ATG9A: variants seen among roughly 807,000 people sequenced by gnomAD.
ATG9A encodes autophagy related 9A.
In ATG9A, 21 loss-of-function variants were observed where a neutral mutation model predicts 87.1. That is an observed-to-expected ratio of 0.24 (90% CI 0.17 to 0.35). ATG9A has a LOEUF of 0.35. Among genes scored for constraint, ATG9A ranks in the 10% least tolerant of loss-of-function variants. The probability of loss-of-function intolerance (pLI) is 1.00; values close to 1 mark genes in which losing one functional copy is unlikely to be tolerated. For missense variants in ATG9A, 836 were observed against 1,107.3 expected (o/e 0.76, Z 3.48); for synonymous variants, 422 against 441.3 (o/e 0.96, Z 0.55).
chr2:219,225,526 C>T lies in ATG9A; in HGVS notation c.259G>A (p.Val87Met), dbSNP rs764945140. The change falls in exon 6 of 16, where the codon GTG becomes ATG. Residue 87 changes from valine (V) to methionine (M), a missense_variant. Val to Met is a conservative substitution (Grantham distance 21). This residue lies in a region of ATG9A where 512 missense variants were observed against 759.6 expected (regional missense o/e 0.67). Coordinates refer to ENST00000361242, the MANE Select transcript of ATG9A (RefSeq NM_001077198.3). ...TTGGCAAATAGGATGTCATAGTCCA[C>T]GCAGCTGACCAGGAAGGTAGTGAAG... ...VAFTTFLVSC[V>M]DYDILFANKM... The T allele has an allele frequency of 9.3e-6, 15 of 1,613,980 alleles. No individual in the cohort carries two copies. The highest frequency in any genetic ancestry group is 1.6e-4 in the Middle Eastern group (1 of 6,084).
rs761631039 is a variant in ATG9A, at chr2:219,220,801, A to G, written c.2460T>C (p.Pro820=). 1 of 1,613,486 alleles carries G rather than the reference A, an allele frequency of 6.2e-7. No homozygotes were observed. Among genetic ancestry groups the G allele is most frequent in the Non-Finnish European group, 8.5e-7 (1 of 1,179,990 alleles). Residue 820 remains proline, a synonymous_variant, in exon 15 of 16, where the codon CCT becomes CCC. Coordinates refer to ENST00000361242, the MANE Select transcript of ATG9A (RefSeq NM_001077198.3). ...AEDGQSASRH[P]EPVPEEGSED... ...CCGAGCCCTCTTCGGGCACGGGCTC[A>G]GGGTGCCTTGATGCCGACTGCCCAT...
Position 219,223,575 on chromosome 2 carries a change from C to T in ATG9A, c.1599+10G>A. The T allele has an allele frequency of 6.3e-7, 1 of 1,586,926 alleles. No homozygotes were observed. The highest frequency in any genetic ancestry group is 8.6e-7 in the Non-Finnish European group (1 of 1,165,666). On this transcript the variant is annotated intron_variant, in intron 10 of 15. Coordinates refer to ENST00000361242, the MANE Select transcript of ATG9A (RefSeq NM_001077198.3). This position sits in a 1 kb window ranked among gnomAD's most constrained non-coding sequence, Gnocchi z 4.7. ...ATCCCAGGCCACCTGGCTCCCTCCT[C>T]TCCCAGTACCTGGGGATGACCATGC...
At chr2:219,220,690 A>G in intron 15 of ATG9A, 57 bp downstream of exon 15, 9 of 1,592,292 alleles carry the variant, frequency 5.7e-6, no homozygotes, top group Non-Finnish European at 7.7e-6. Context: ...AAAAGCTGTT[A>G]CCTCACCCTG....
At chr2:219,225,048 A>G in intron 7 of ATG9A, 23 bp downstream of exon 7, 1 of 1,613,918 alleles carries the variant, frequency 6.2e-7, no homozygotes. Flanking sequence ...CTATGGGCTA[A>G]CTGCCCAACT....
intron 15 of ATG9A, 114 bp from the exon 16 acceptor site, chr2:219,220,566 A>C: frequency 6.5e-7 from 1 of 1,533,732 alleles, no homozygotes; most frequent in Non-Finnish European, 9.0e-7. Context: ...CTGGGGAGGT[A>C]AGGTAAGGAA....
Position 219,222,728 on chromosome 2 carries a change from C to A in ATG9A, c.1765G>T (p.Ala589Ser), listed in dbSNP as rs1466815353. The A allele has an allele frequency of 2.5e-6, 4 of 1,614,224 alleles. No homozygotes were observed. In the African/African-American group the frequency reaches 4.0e-5, roughly 16 times the overall value. Residue 589 changes from alanine (A) to serine (S), a missense_variant, in exon 11 of 16, where the codon GCA (alanine) becomes TCA (serine). Ala to Ser is a moderately conservative substitution (Grantham distance 99). Around this residue, in one of 2 missense-constraint regions of ATG9A, gnomAD observed 324 missense variants for 347.6 expected, o/e 0.93. Transcript: ENST00000361242. This position sits in a 1 kb window ranked among gnomAD's most constrained non-coding sequence, Gnocchi z 4.3. ...CCCCCTTGGGCGAGGCTAGCAGCTGCTCCATCCCGCTGAACCTGCTCCTTG... is the reference window on the plus strand; with the variant it reads ...CCCCCTTGGGCGAGGCTAGCAGCTGATCCATCCCGCTGAACCTGCTCCTTG... The part of the protein sequence containing the change: ...FLKEQVQRDG[A>S]AASLAQGGLL...
Position 219,224,093 on chromosome 2 carries a change from G to A in ATG9A, c.1265+13C>T. ...TGCTAGCCGGCTTGCTCCCGCCTGT[G>A]GCCCTGGCCCACCTGCACACGGTCA... On this transcript the variant is annotated intron_variant, in intron 8 of 15. Transcript: ENST00000361242. The surrounding 1 kb of genome is among the most constrained non-coding windows in gnomAD (Gnocchi z 7.7). 6.2e-7 allele frequency: 1 copy of A among 1,610,666 alleles called. No individual in the cohort carries two copies. Among genetic ancestry groups the A allele is most frequent in the African/African-American group, 1.3e-5 (1 of 74,982 alleles).
At chr2:219,227,643 G>T in intron 4 of ATG9A, 127 bp downstream of exon 4, 1 of 1,107,172 alleles carries the variant, frequency 9.0e-7, no homozygotes, top group Non-Finnish European at 1.3e-6. Flanking sequence ...GCCTCTTTCA[G>T]CCTCAGGATG....
Position 219,225,585 on chromosome 2 carries a change from G to C in ATG9A, c.213-13C>G, listed in dbSNP as rs542561740. Reference sequence around the variant, plus strand: ...AAAGAGGAACTGCCTGGGGAGTTGGGAAGAAGGGGTGCAGTCTGAGAGCCA... The same window carrying C: ...AAAGAGGAACTGCCTGGGGAGTTGGCAAGAAGGGGTGCAGTCTGAGAGCCA... On this transcript the variant is annotated splice_polypyrimidine_tract_variant and intron_variant, in intron 5 of 15. Transcript: ENST00000361242. 3.1e-6 allele frequency: 5 copies of C among 1,613,150 alleles called. No individual in the cohort carries two copies. The South Asian group carries it at 4.4e-5, about 14-fold the overall frequency.
Position 219,225,509 on chromosome 2 carries a change from T to C in ATG9A, c.276A>G (p.Leu92=), listed in dbSNP as rs746850571. 2.5e-6 allele frequency: 4 copies of C among 1,613,766 alleles called. No individual in the cohort carries two copies. The highest frequency in any genetic ancestry group is 3.3e-5 in the Admixed American group (2 of 59,978). ...FLVSCVDYDI[L]FANKMVNHSL... is the part of the protein sequence containing the mutation. ...TGTGGTTCACCATCTTGTTGGCAAA[T>C]AGGATGTCATAGTCCACGCAGCTGA... The change falls in exon 6 of 16, where the codon CTA becomes CTG. Residue 92 remains leucine (L), a synonymous_variant. Coordinates refer to ENST00000361242, the MANE Select transcript of ATG9A (RefSeq NM_001077198.3).
rs970934743 is a variant in ATG9A at position 219,223,994 on chromosome 2, A to C, written c.1294T>G (p.Phe432Val). Residue 432 changes from phenylalanine (F) to valine (V), a missense_variant, in exon 9 of 16, where the codon TTC becomes GTC. Physicochemically the swap from Phe to Val is conservative, Grantham distance 50. Coordinates refer to ENST00000361242, the MANE Select transcript of ATG9A (RefSeq NM_001077198.3). The surrounding 1 kb of genome is among the most constrained non-coding windows in gnomAD (Gnocchi z 4.7). ...ACGCGGAGCAGCTGCTCAGGGCAGA[A>C]CACCATGTGCTGGTCCGGGATAAAG... ...RSFIPDQHMV[F>V]CPEQLLRVIL... is the part of the protein sequence containing the mutation. The C allele has an allele frequency of 1.2e-6, 2 of 1,613,212 alleles. No homozygotes were observed. Among genetic ancestry groups the C allele is most frequent in the Middle Eastern group, 1.6e-4 (1 of 6,084 alleles).
intron 6 of ATG9A, 53 bp from the exon 7 acceptor site, chr2:219,225,265 G>T: frequency 6.2e-7 from 1 of 1,611,632 alleles, no homozygotes; most frequent in South Asian, 1.1e-5. Context: ...AGGAGTCTTG[G>T]CAGAGACGCT....
At position 219,220,816 on chromosome 2, in the gene ATG9A, C is replaced by T. The variant is rs765974039; in HGVS notation, c.2445G>A (p.Ser815=). ...GCACGGGCTCAGGGTGCCTTGATGC[C>T]GACTGCCCATCTTCTGCCCACCCTC... ...PLGGWAEDGQ[S]ASRHPEPVPE... The change falls in exon 15 of 16, where the codon TCG becomes TCA. Residue 815 remains serine, a synonymous_variant. Transcript: ENST00000361242. The T allele has an allele frequency of 1.9e-5, 31 of 1,613,296 alleles. No homozygotes were observed. The highest frequency in any genetic ancestry group is 7.7e-5 in the South Asian group (7 of 91,074).
In ATG9A at chr2:219,225,052, C is replaced by T; in HGVS notation, c.516+19G>A. ...TACGTCTTAGACTATGGGCTAACTG[C>T]CCAACTTCCCAGTCTTACCATAGGG... On this transcript the variant is annotated intron_variant, in intron 7 of 15. Transcript: ENST00000361242. 6.2e-7 allele frequency: 1 copy of T among 1,614,070 alleles called. No individual in the cohort carries two copies. The highest frequency in any genetic ancestry group is 1.1e-5 in the South Asian group (1 of 91,088).
At chr2:219,226,344 G>C (rs575047630) in intron 5 of ATG9A, among the ~76,000 whole-genome samples, 86 of 152,284 alleles carry the variant, frequency 5.6e-4, no homozygotes, top group African/African-American at 2.0e-3. Flanking sequence ...CCCAACCAAG[G>C]CTTGGGTTCT....
chr2:219,222,990 A>G lies in ATG9A; in HGVS notation c.1600-97T>C. 1 of 1,485,084 alleles carries G rather than the reference A, an allele frequency of 6.7e-7. No homozygotes were observed. The highest frequency in any genetic ancestry group is 9.1e-7 in the Non-Finnish European group (1 of 1,099,300). 92.0% of individuals were successfully genotyped at this position (1,485,084 alleles called of 1,614,324 possible). A position where few individuals can be genotyped will look rare whatever the true frequency, so the allele number is the denominator to read the frequency against. ...GGGAGGCCTTACCCTTGGAGAACGG[A>G]GACCACAGTATACTGTCAATCTTTC... On this transcript the variant is annotated intron_variant, in intron 10 of 15. Coordinates refer to ENST00000361242, the MANE Select transcript of ATG9A (RefSeq NM_001077198.3). This position sits in a 1 kb window ranked among gnomAD's most constrained non-coding sequence, Gnocchi z 4.3.
Position 219,223,495 on chromosome 2 carries a change from C to T in ATG9A, c.1599+90G>A. The T allele has an allele frequency of 1.4e-6, 2 of 1,423,674 alleles. No homozygotes were observed. Among genetic ancestry groups the T allele is most frequent in the South Asian group, 2.8e-5 (2 of 71,490 alleles). The allele number at this position is 1,423,674 out of a possible 1,614,324, so 88.2% of individuals were successfully genotyped here. A position where few individuals can be genotyped will look rare whatever the true frequency, so the allele number is the denominator to read the frequency against. On this transcript the variant is annotated intron_variant, in intron 10 of 15. Coordinates refer to ENST00000361242, the MANE Select transcript of ATG9A (RefSeq NM_001077198.3). The surrounding 1 kb of genome is among the most constrained non-coding windows in gnomAD (Gnocchi z 4.7). ...CTGGTATAGGACTGCCTTTGTGTGA[C>T]TCAGGAGAGGTGTCTTTTTGCGGTT...
Position 219,221,253 on chromosome 2 carries a change from C to T in ATG9A, c.2195G>A (p.Arg732His), listed in dbSNP as rs201843079. The stretch of plus-strand genomic sequence containing the variant: ...TTCTCCACTCTCATCACTCTCCCGG[C>T]GGTGCCATACATGCCGCTCAGGTTC... ...QAEPERHVWH[R>H]RESDESGESA... Residue 732 changes from arginine to histidine, a missense_variant, in exon 14 of 16, where the codon CGC (arginine) becomes CAC (histidine). Around this residue, in one of 2 missense-constraint regions of ATG9A, gnomAD observed 324 missense variants for 347.6 expected, o/e 0.93. Transcript: ENST00000361242. 7.1e-4 allele frequency: 1,112 copies of T among 1,573,454 alleles called. 4 individuals are homozygous for T. Among genetic ancestry groups the T allele is most frequent in the South Asian group, 3.5e-3 (298 of 84,468 alleles).
chr2:219,221,397 C>G, intron 13 of ATG9A, 95 bp from the exon 14 acceptor site: 1 of 1,218,152 alleles, frequency 8.2e-7, no homozygotes, highest in Non-Finnish European at 1.1e-6. Context: ...CCGCTTTACC[C>G]CTTCCCTGAG....
Sources: gnomAD v4.1 joint callset for allele counts (sites outside exome capture counted in the v4.1 genomes callset) on GRCh38, gnomAD v4.1.1 for gene constraint, gnomAD v4.1.1 regional missense constraint, Gnocchi (gnomAD v3.1) non-coding constraint, MANE v1.5 for transcripts, NCBI Gene and HGNC (gene_info 2026-07-23, HGNC 2026-07-21) for gene names.